RYR2: variants seen among roughly 807,000 people sequenced by gnomAD.
The protein encoded by RYR2 is ryanodine receptor 2.
In RYR2, 227 loss-of-function variants were observed where a neutral mutation model predicts 601.1. The ratio of observed to expected loss-of-function variants is 0.38; its 90% CI spans 0.34 to 0.42. RYR2 has a LOEUF of 0.42. Among genes scored for constraint, RYR2 ranks in the 10% least tolerant of loss-of-function variants. The probability of loss-of-function intolerance (pLI) is 1.00; values close to 1 mark genes in which losing one functional copy is unlikely to be tolerated. For synonymous variants in RYR2, 2,223 were observed against 2,175.1 expected, an observed-to-expected ratio of 1.02 and a Z score of -0.61; for missense variants, 4,646 against 6,156.5, an observed-to-expected ratio of 0.75 and a Z score of 8.21.
chr1:237,509,476 A>T (rs1229247537), intron 23 of RYR2, among the ~76,000 whole-genome samples: 11 of 152,172 alleles, frequency 7.2e-5, no homozygotes, highest in Admixed American at 3.3e-4. Context: ...GATTTTTTGA[A>T]GAAGAGGAAG....
At chr1:237,473,477 C>CTTTCTTTCTTCTTCTTTCTTTCTTTCTT (rs1553464755) in intron 17 of RYR2, among the ~76,000 whole-genome samples, 4 of 145,560 alleles carry the variant, frequency 2.7e-5, no homozygotes, top group Admixed American at 7.0e-5. Context: ...ATCTATCTAT[C>CTTTCTTTCTTCTTCTTTCTTTCTTTCTT]TGGCATATAT....
chr1:237,828,914 G>A (rs1663458435), intron 102 of RYR2, among the ~76,000 whole-genome samples: 1 of 152,120 alleles, frequency 6.6e-6, no homozygotes, highest in Admixed American at 6.6e-5. Context: ...GAGGAGGACA[G>A]TTTGGGCAAC....
At chr1:237,664,228 TA>T (rs1220250764) in intron 56 of RYR2, among the ~76,000 whole-genome samples, 3 of 152,176 alleles carry the variant, frequency 2.0e-5, no homozygotes, top group African/African-American at 2.4e-5. Flanking sequence ...TATCTAGAAC[TA>T]AAATACAAGA....
chr1:237,593,566 G>A lies in RYR2; in HGVS notation c.4366G>A (p.Gly1456Ser), dbSNP rs1265113691. 2.5e-6 allele frequency: 4 copies of A among 1,613,748 alleles called. No individual in the cohort carries two copies. The highest frequency in any genetic ancestry group is 1.1e-5 in the South Asian group (1 of 91,082). ...ATCAGATTTCCATCAGTATGACACAGGCTTTGACTTGGACAGAGTTCGCAC... is the reference window on the plus strand; with the variant it reads ...ATCAGATTTCCATCAGTATGACACAAGCTTTGACTTGGACAGAGTTCGCAC... ...ITSDFHQYDT[G>S]FDLDRVRTVT... Residue 1456 changes from glycine to serine, a missense_variant, in exon 33 of 105, where the codon GGC becomes AGC. Gly to Ser is a moderately conservative substitution (Grantham distance 56). Around this residue, in one of 17 missense-constraint regions of RYR2, gnomAD observed 1,807 missense variants for 2,088.1 expected, o/e 0.87. Coordinates refer to ENST00000366574, the MANE Select transcript of RYR2 (RefSeq NM_001035.3).
At position 237,164,494 on chromosome 1, in the gene RYR2, G is replaced by A. The variant is rs996428323; in HGVS notation, c.49-106003G>A. Among the ~76,000 whole-genome samples, 21 of 152,306 alleles carry A rather than the reference G, an allele frequency of 1.4e-4. 1 individual carries two copies. Among genetic ancestry groups the A allele is most frequent in the Admixed American group, 1.1e-3 (17 of 15,298 alleles). ...ACAAATATTCAAGGTTGGGCTGAGAGGGTGGTGGGGTTTAAGCAGAGACAG... is the reference window on the plus strand; with the variant it reads ...ACAAATATTCAAGGTTGGGCTGAGAAGGTGGTGGGGTTTAAGCAGAGACAG... On this transcript the variant is annotated intron_variant, in intron 1 of 104. Transcript: ENST00000366574.
intron 13 of RYR2, among the ~76,000 whole-genome samples, chr1:237,443,374 TTAAG>T (rs1708078880): frequency 6.6e-6 from 1 of 152,170 alleles, no homozygotes; most frequent in South Asian, 2.1e-4. Flanking sequence ...GTTTTTATGT[TTAAG>T]TAGCCTCCTG....
chr1:237,733,740 C>T lies in RYR2; in HGVS notation c.11075C>T (p.Ala3692Val). 6.2e-7 allele frequency: 1 copy of T among 1,606,022 alleles called. No individual in the cohort carries two copies. Reference protein sequence around the residue: ...LEEDFLYMAYADIMAKSCHDE... With the variant: ...LEEDFLYMAYVDIMAKSCHDE... ...GAAGATTTTTTATATATGGCCTATG[C>T]AGATATTATGGCAAAGGTAAATAAG... The change falls in exon 79 of 105, where the codon GCA (alanine) becomes GTA (valine). Residue 3692 changes from alanine to valine, a missense_variant. Coordinates refer to ENST00000366574, the MANE Select transcript of RYR2 (RefSeq NM_001035.3).
intron 70 of RYR2, among the ~76,000 whole-genome samples, chr1:237,711,230 A>G (rs1371153230): frequency 6.6e-6 from 1 of 152,216 alleles, no homozygotes; most frequent in Admixed American, 6.5e-5. Context: ...TAATATAAAC[A>G]TAAATTGGCT....
At chr1:237,530,558 G>A (rs944415078) in intron 25 of RYR2, 48 bp downstream of exon 25, 3 of 1,342,248 alleles carry the variant, frequency 2.2e-6, no homozygotes, top group Non-Finnish European at 3.1e-6. Context: ...TAGAGATTTA[G>A]TGCAACCAAA....
chr1:237,540,405 G>A (rs1669125718), intron 25 of RYR2, among the ~76,000 whole-genome samples: 1 of 152,128 alleles, frequency 6.6e-6, no homozygotes. Context: ...AAGGCTGCTT[G>A]AGTGTTTAAA....
At chr1:237,335,517 G>C (rs920566840) in intron 3 of RYR2, among the ~76,000 whole-genome samples, 17 of 152,266 alleles carry the variant, frequency 1.1e-4, no homozygotes, top group Middle Eastern at 3.4e-3. Flanking sequence ...AATGCCATGA[G>C]TCCAATATAT....
In RYR2 at chr1:237,476,981, G is replaced by A. The variant is rs181299030; in HGVS notation, c.1708+7794G>A. ...TCTGATTTTATTTTCCCTTTGCATA[G>A]CCCTTTAGGGTGGCATTCCACAAAA... is the stretch of plus-strand genomic sequence containing the variant. On this transcript the variant is annotated intron_variant, in intron 17 of 104. Transcript: ENST00000366574. Among the ~76,000 whole-genome samples, 158 of 152,272 alleles carry A rather than the reference G, an allele frequency of 1.0e-3. 2 individuals carry two copies. The highest frequency in any genetic ancestry group is 2.4e-3 in the Admixed American group (36 of 15,312).
At chr1:237,763,934 A>G (rs987151730) in intron 84 of RYR2, among the ~76,000 whole-genome samples, 4 of 152,216 alleles carry the variant, frequency 2.6e-5, no homozygotes, top group Admixed American at 2.0e-4. Flanking sequence ...CCCTCTTGGA[A>G]GGGATAGAAA....
chr1:237,210,278 A>T (rs886734711), intron 1 of RYR2, among the ~76,000 whole-genome samples: 5 of 152,142 alleles, frequency 3.3e-5, no homozygotes, highest in African/African-American at 1.2e-4. Context: ...TTCTCTTCCG[A>T]TAATTTTGGG....
rs1166373382 is a variant in RYR2, at chr1:237,565,101, TTTTCTTTCTTTCTTTTTC to T, written c.3215-1450_3215-1433del. On this transcript the variant is annotated intron_variant, in intron 27 of 104. Transcript: ENST00000366574. ...ATAGGAACTTCCTTCTTCTCTTTTC[TTTTCTTTCTTTCTTTTTC>T]TTTCTTTCTTTCTTTCTTTCTTTTT... Among the ~76,000 whole-genome samples the T allele has an allele frequency of 7.6e-4, 87 of 114,206 alleles. 1 individual carries two copies. Among genetic ancestry groups the T allele is most frequent in the African/African-American group, 1.7e-3 (54 of 31,074 alleles). The allele number at this position is 114,206 out of a possible 152,430, so 74.9% of individuals were successfully genotyped here.
intron 1 of RYR2, among the ~76,000 whole-genome samples, chr1:237,103,380 C>T (rs1668330729): frequency 6.6e-6 from 1 of 152,218 alleles, no homozygotes; most frequent in Non-Finnish European, 1.5e-5. Context: ...TTGACCTTAG[C>T]ACAACCAATC....
intron 73 of RYR2, among the ~76,000 whole-genome samples, chr1:237,722,527 G>A (rs572336353): frequency 4.0e-5 from 6 of 150,940 alleles, no homozygotes; most frequent in South Asian, 2.1e-4. Flanking sequence ...TCCGCCTCCC[G>A]GGTTCACGCT....
At chr1:237,355,865 G>A (rs10925382) in intron 3 of RYR2, 100 bp from the exon 4 acceptor site, 59 of 1,058,720 alleles carry the variant, frequency 5.6e-5, no homozygotes, top group Admixed American at 3.9e-4. Flanking sequence ...AGATTGTGGT[G>A]CAAGGACCAA....
rs567225159 is a variant in RYR2, at chr1:237,752,925, T to A, written c.11146-3363T>A. On this transcript the variant is annotated intron_variant, in intron 80 of 104. Transcript: ENST00000366574. Reference sequence around the variant, plus strand: ...TCTTATAACTTGCTACCACCTACAGTTTCTGAGGAAAATATTATGAAAACC... The same window carrying A: ...TCTTATAACTTGCTACCACCTACAGATTCTGAGGAAAATATTATGAAAACC... 5.3e-4 allele frequency among the ~76,000 whole-genome samples: 81 copies of A among 152,310 alleles called. 2 individuals are homozygous for A. Among genetic ancestry groups the A allele is most frequent in the African/African-American group, 1.9e-3 (79 of 41,568 alleles).
Sources: allele counts gnomAD v4.1 joint callset (sites outside exome capture counted in the v4.1 genomes callset), GRCh38; gene constraint gnomAD v4.1.1; regional missense constraint gnomAD v4.1.1; transcripts MANE v1.5; gene names NCBI Gene and HGNC (gene_info 2026-07-23, HGNC 2026-07-21).